The following TNKS variants were observed in gnomAD, a reference collection of about 807,000 sequenced individuals.
TNKS encodes tankyrase.
TNKS carries 72 observed loss-of-function variants against 135.8 expected under a neutral mutation model. The ratio of observed to expected loss-of-function variants is 0.53; its 90% CI spans 0.44 to 0.64. TNKS has a LOEUF of 0.64. Among genes scored for constraint, TNKS ranks in the 30% least tolerant of loss-of-function variants. TNKS has a pLI of 0.00. For synonymous variants in TNKS, 849 were observed against 649.3 expected (o/e 1.31, Z -4.68); for missense variants, 1,769 against 1,674.0 (o/e 1.06, Z -0.99).
intron 13 of TNKS, 86 bp from the exon 14 acceptor site, chr8:9,730,804 C>T: frequency 1.1e-5 from 15 of 1,412,990 alleles, no homozygotes; most frequent in Middle Eastern, 1.8e-4. Flanking sequence ...TTTACTTATC[C>T]AAGATGTTGA....
At chr8:9,741,336 G>GAATT (rs1273732924) in intron 17 of TNKS, among the ~76,000 whole-genome samples, 1 of 152,102 alleles carries the variant, frequency 6.6e-6, no homozygotes, top group Admixed American at 6.5e-5. Flanking sequence ...GGTGGCCATA[G>GAATT]AATTATAATA....
At chr8:9,588,626 A>G (rs1383573121) in intron 2 of TNKS, among the ~76,000 whole-genome samples, 2 of 152,170 alleles carry the variant, frequency 1.3e-5, no homozygotes, top group Non-Finnish European at 2.9e-5. Context: ...CTGCAATATG[A>G]GGCATGATTA....
intron 22 of TNKS, among the ~76,000 whole-genome samples, chr8:9,763,603 C>T (rs1049355118): frequency 1.7e-4 from 26 of 152,176 alleles, no homozygotes; most frequent in Admixed American, 1.7e-3. Context: ...CAAATATGTT[C>T]TCATCCTTGT....
chr8:9,589,562 G>A (rs547846889), intron 2 of TNKS, among the ~76,000 whole-genome samples: 3 of 152,310 alleles, frequency 2.0e-5, no homozygotes, highest in Admixed American at 6.5e-5. Context: ...AACCTGAGAT[G>A]CAAAGAATCT....
chr8:9,765,775 C>T lies in TNKS; in HGVS notation c.3531C>T (p.His1177=). 1 of 1,613,930 alleles carries T rather than the reference C, an allele frequency of 6.2e-7. No homozygotes were observed. The highest frequency in any genetic ancestry group is 8.5e-7 in the Non-Finnish European group (1 of 1,179,870). Residue 1177 remains histidine (H), a synonymous_variant, in exon 24 of 27, where the codon CAC becomes CAT. Coordinates refer to ENST00000310430, the MANE Select transcript of TNKS (RefSeq NM_003747.3). ...KEVSEENHNH[H]NERMLFHGSP... ...TGTCTGAGGAGAATCACAACCATCA[C>T]AATGAGCGCATGTTGTTTCATGGTA...
At chr8:9,684,249 T>C (rs1462273278) in intron 5 of TNKS, among the ~76,000 whole-genome samples, 2 of 152,072 alleles carry the variant, frequency 1.3e-5, no homozygotes, top group Non-Finnish European at 2.9e-5. Flanking sequence ...AATCTCCCTT[T>C]ACAGTGTTTT....
Position 9,765,868 on chromosome 8 carries a change from C to T in TNKS, c.3553+71C>T, listed in dbSNP as rs193228325. ...AGGAGTCAGTAAAGGGAAAAACCTA[C>T]GTTAAATTGACTATAATACGGTTGT... On this transcript the variant is annotated intron_variant, in intron 24 of 26. Transcript: ENST00000310430. 3,584 of 1,260,410 alleles carry T rather than the reference C, an allele frequency of 2.8e-3. 6 individuals carry two copies. The highest frequency in any genetic ancestry group is 3.8e-3 in the Non-Finnish European group (3,287 of 875,502). 78.1% of individuals were successfully genotyped at this position (1,260,410 alleles called of 1,614,324 possible).
chr8:9,632,412 T>G (rs1228147670), intron 3 of TNKS, among the ~76,000 whole-genome samples: 1 of 152,164 alleles, frequency 6.6e-6, no homozygotes, highest in Non-Finnish European at 1.5e-5. Flanking sequence ...TATTTCTTAT[T>G]CTTTTCCCTC....
intron 11 of TNKS, among the ~76,000 whole-genome samples, chr8:9,715,013 G>C (rs1011704282): frequency 3.3e-5 from 5 of 152,152 alleles, no homozygotes; most frequent in African/African-American, 1.2e-4. Context: ...AAGATCCTTT[G>C]AGGATTGCCC....
At chr8:9,764,082 T>C (rs1048569007) in intron 22 of TNKS, among the ~76,000 whole-genome samples, 1 of 152,134 alleles carries the variant, frequency 6.6e-6, no homozygotes, top group Admixed American at 6.5e-5. Flanking sequence ...ATGTCAAAAA[T>C]GTAGTGACTC....
intron 1 of TNKS, among the ~76,000 whole-genome samples, chr8:9,568,148 C>T (rs1797620152): frequency 6.6e-6 from 1 of 152,154 alleles, no homozygotes; most frequent in African/African-American, 2.4e-5. Flanking sequence ...GTATGAAGCT[C>T]AGCATTAATG....
intron 5 of TNKS, among the ~76,000 whole-genome samples, chr8:9,704,075 A>G (rs181059402): frequency 8.3e-4 from 126 of 152,364 alleles, no homozygotes; most frequent in African/African-American, 2.9e-3. Context: ...CTTGGTATAC[A>G]TCATTGCACC....
chr8:9,650,812 T>C (rs368021678), intron 3 of TNKS, among the ~76,000 whole-genome samples: 3 of 152,346 alleles, frequency 2.0e-5, no homozygotes, highest in South Asian at 4.1e-4. Flanking sequence ...CAGAAGATTT[T>C]TAGTTTAATT....
intron 2 of TNKS, among the ~76,000 whole-genome samples, chr8:9,602,438 T>C (rs1359554169): frequency 6.6e-6 from 1 of 152,166 alleles, no homozygotes; most frequent in East Asian, 1.9e-4. Context: ...AAATGGGAAG[T>C]GATGAGATAC....
At chr8:9,607,428 C>A (rs574386992) in intron 2 of TNKS, among the ~76,000 whole-genome samples, 2 of 152,260 alleles carry the variant, frequency 1.3e-5, no homozygotes, top group East Asian at 3.9e-4. Flanking sequence ...TGTGGATATT[C>A]TTCTTTGATT....
chr8:9,580,528 G>C (rs1798126332), intron 2 of TNKS, 145 bp downstream of exon 2: 1 of 731,996 alleles, frequency 1.4e-6, no homozygotes, highest in Non-Finnish European at 2.2e-6. Context: ...AAGGTAAACA[G>C]AGAGATGGTA....
intron 2 of TNKS, among the ~76,000 whole-genome samples, chr8:9,593,004 A>G (rs557458699): frequency 2.7e-4 from 41 of 152,352 alleles, no homozygotes; most frequent in African/African-American, 9.6e-4. Context: ...CTGATCATGC[A>G]TTAACTTTTG....
intron 3 of TNKS, among the ~76,000 whole-genome samples, chr8:9,628,381 T>G (rs1017424083): frequency 5.3e-5 from 8 of 152,110 alleles, no homozygotes; most frequent in Non-Finnish European, 7.3e-5. Flanking sequence ...TCTCCCTGAG[T>G]TTTTTAAGAA....
intron 1 of TNKS, chr8:9,558,304 A>G (rs1011386980): frequency 4.6e-5 from 7 of 152,338 alleles, no homozygotes; most frequent in African/African-American, 1.7e-4. Context: ...ATATACAGAC[A>G]CTACTTATTA....
Sources: gnomAD v4.1 joint callset for allele counts (sites outside exome capture counted in the v4.1 genomes callset) on GRCh38, gnomAD v4.1.1 for gene constraint, MANE v1.5 for transcripts, NCBI Gene and HGNC (gene_info 2026-07-23, HGNC 2026-07-21) for gene names.